The following SLC60A2 variants were observed in gnomAD, a reference collection of about 807,000 sequenced individuals.
SLC60A2 encodes major facilitator superfamily domain containing 4B.
At chr6:111,276,709 G>A in the SLC60A2 span, among the ~76,000 whole-genome samples, 3 of 152,054 alleles carry the variant, frequency 2.0e-5, no homozygotes, top group South Asian at 4.1e-4. Context: ...GTGCTCATTC[G>A]TTTACAGAGA....
the SLC60A2 span, among the ~76,000 whole-genome samples, chr6:111,265,043 C>T: frequency 1.3e-5 from 2 of 152,034 alleles, no homozygotes; most frequent in African/African-American, 2.4e-5. Flanking sequence ...CAGAGAGCCA[C>T]GATTGTGCCA....
the SLC60A2 span, among the ~76,000 whole-genome samples, chr6:111,277,005 G>T: frequency 1.3e-5 from 2 of 152,146 alleles, no homozygotes; most frequent in African/African-American, 4.8e-5. Context: ...TGCCCTTATT[G>T]GGCCTTGCCT....
the SLC60A2 span, chr6:111,264,001 C>T: frequency 1.1e-6 from 1 of 918,268 alleles, no homozygotes; most frequent in South Asian, 1.4e-5. Flanking sequence ...AGAAGAAGTA[C>T]AGCAGATGAT....
At chr6:111,264,746 C>CCA in the SLC60A2 span, among the ~76,000 whole-genome samples, 2 of 149,456 alleles carry the variant, frequency 1.3e-5, no homozygotes, top group African/African-American at 4.9e-5. Context: ...AGAGATCACA[C>CCA]CACTGCACTT....
the SLC60A2 span, chr6:111,266,298 G>A: frequency 1.2e-6 from 2 of 1,614,084 alleles, no homozygotes; most frequent in African/African-American, 1.3e-5. Flanking sequence ...TGGAGCTGAG[G>A]TAACATATGG....
At chr6:111,260,269 G>C in the SLC60A2 span, among the ~76,000 whole-genome samples, 1 of 152,194 alleles carries the variant, frequency 6.6e-6, no homozygotes, top group Non-Finnish European at 1.5e-5. Context: ...GGGTTCACCA[G>C]GTCTTTGGCC....
At chr6:111,267,324 G>A in the SLC60A2 span, 1 of 512,500 alleles carries the variant, frequency 2.0e-6, no homozygotes, top group Non-Finnish European at 3.4e-6. Context: ...ACGTACAATA[G>A]GATCTTGTTA....
chr6:111,260,270 GTCTTTGGCCGC>G, the SLC60A2 span, among the ~76,000 whole-genome samples: 1 of 152,184 alleles, frequency 6.6e-6, no homozygotes, highest in African/African-American at 2.4e-5. Flanking sequence ...GGTTCACCAG[GTCTTTGGCCGC>G]TGCTCTCCGC....
At chr6:111,267,049 C>T in the SLC60A2 span, 3 of 1,614,188 alleles carry the variant, frequency 1.9e-6, no homozygotes, top group Non-Finnish European at 2.5e-6. Context: ...TTTGAGTCTT[C>T]TCCTTTTAAT....
chr6:111,274,528 T>C, the SLC60A2 span, among the ~76,000 whole-genome samples: 6 of 152,352 alleles, frequency 3.9e-5, no homozygotes, highest in East Asian at 1.2e-3. Flanking sequence ...AGGCTGTTAT[T>C]GACAGGTGAA....
At chr6:111,259,572 C>G in the SLC60A2 span, 1 of 971,942 alleles carries the variant, frequency 1.0e-6, no homozygotes, top group Non-Finnish European at 1.5e-6. Flanking sequence ...TGGGGCCGGG[C>G]CCCCGGCTGC....
the SLC60A2 span, among the ~76,000 whole-genome samples, chr6:111,261,309 A>ATTTTGATGTTTTGATCAAGG: frequency 3.3e-5 from 5 of 152,196 alleles, no homozygotes; most frequent in Non-Finnish European, 5.9e-5. Context: ...CAGGAATCAT[A>ATTTTGATGTTTTGATCAAGG]TTTTGATGTT....
At chr6:111,266,440 A>C in the SLC60A2 span, 2,840 of 1,614,190 alleles carry the variant, frequency 1.8e-3, 54 homozygotes, top group African/African-American at 0.033. Context: ...ACCTGTTTAC[A>C]GCCTGGAACC....
chr6:111,261,633 G>T, the SLC60A2 span, among the ~76,000 whole-genome samples: 240 of 151,944 alleles, frequency 1.6e-3, no homozygotes, highest in African/African-American at 5.6e-3. Context: ...TCGCTCTGTC[G>T]CCCAGGCTGG....
chr6:111,279,596 C>G, the SLC60A2 span, among the ~76,000 whole-genome samples: 1 of 151,444 alleles, frequency 6.6e-6, no homozygotes, highest in Non-Finnish European at 1.5e-5. Flanking sequence ...CTCATGTTTT[C>G]TATTCACTCC....
the SLC60A2 span, chr6:111,278,455 G>C: frequency 6.6e-6 from 1 of 152,182 alleles, no homozygotes; most frequent in South Asian, 2.1e-4. Context: ...ATATAGTTTG[G>C]CTGTGTCCCC....
At chr6:111,275,050 G>A in the SLC60A2 span, among the ~76,000 whole-genome samples, 1 of 150,738 alleles carries the variant, frequency 6.6e-6, no homozygotes, top group South Asian at 2.1e-4. Flanking sequence ...AGTCTCTTGA[G>A]TAGCTGGGAC....
the SLC60A2 span, chr6:111,265,462 A>G: frequency 1.1e-6 from 1 of 871,394 alleles, no homozygotes; most frequent in Non-Finnish European, 1.4e-6. Context: ...TCAAGTGGCT[A>G]CCAACAGCAA....
the SLC60A2 span, chr6:111,262,399 A>G: frequency 6.2e-7 from 1 of 1,613,152 alleles, no homozygotes. Flanking sequence ...TTTCTTGTCG[A>G]TGTCATGAAT....
Sources: gnomAD v4.1 joint callset for allele counts (sites outside exome capture counted in the v4.1 genomes callset) on GRCh38, gnomAD v4.1.1 for gene constraint, MANE v1.5 for transcripts, NCBI Gene and HGNC (gene_info 2026-07-23, HGNC 2026-07-21) for gene names.